Variants in SLC14A2 observed in about 807,000 individuals in gnomAD.
The protein encoded by SLC14A2 is solute carrier family 14 member 2, also known as urea transporter 2.
A neutral mutation model predicts 104.6 loss-of-function variants in SLC14A2; 91 were observed. The observed-to-expected ratio is 0.87, with a 90% CI of 0.73 to 1.04. The LOEUF is 1.04. Ranked by LOEUF, SLC14A2 falls within the 50% of genes least tolerant of loss-of-function variation. The pLI is 0.00. For synonymous variants in SLC14A2, 476 were observed against 466.4 expected, an observed-to-expected ratio of 1.02 and a Z score of -0.27; for missense variants, 1,189 against 1,156.0, an observed-to-expected ratio of 1.03 and a Z score of -0.41.
intron 1 of SLC14A2, among the ~76,000 whole-genome samples, chr18:45,469,863 C>T (rs1568223901): frequency 6.6e-6 from 1 of 152,200 alleles, no homozygotes; most frequent in East Asian, 1.9e-4. Context: ...GGCAGGGACA[C>T]ATTATAAAGG....
intron 2 of SLC14A2, among the ~76,000 whole-genome samples, chr18:45,496,777 C>G (rs1444337538): frequency 6.6e-6 from 1 of 150,816 alleles, no homozygotes; most frequent in Non-Finnish European, 1.5e-5. Flanking sequence ...GAGCAAGACT[C>G]CGTCTCAAAA....
intron 2 of SLC14A2, among the ~76,000 whole-genome samples, chr18:45,533,287 T>C (rs1276381189): frequency 6.6e-6 from 1 of 152,230 alleles, no homozygotes; most frequent in Non-Finnish European, 1.5e-5. Context: ...CAGCTCCTCC[T>C]TGTACCTCTG....
chr18:45,496,450 A>G (rs2043099345), intron 2 of SLC14A2, among the ~76,000 whole-genome samples: 2 of 152,272 alleles, frequency 1.3e-5, no homozygotes, highest in African/African-American at 4.8e-5. Context: ...CTGCCAGGGT[A>G]GCTAGAACAA....
At chr18:45,226,122 C>T (rs1315806427) in intron 1 of SLC14A2, among the ~76,000 whole-genome samples, 1 of 152,124 alleles carries the variant, frequency 6.6e-6, no homozygotes, top group Non-Finnish European at 1.5e-5. Flanking sequence ...CAATGAGATA[C>T]CATCTCACAC....
intron 2 of SLC14A2, among the ~76,000 whole-genome samples, chr18:45,601,313 T>C (rs564515049): frequency 6.6e-6 from 1 of 152,296 alleles, no homozygotes; most frequent in African/African-American, 2.4e-5. Context: ...AAAGGTACAA[T>C]TCTAACAAAG....
At chr18:45,435,246 A>T (rs1305416760) in intron 1 of SLC14A2, 1 of 152,214 alleles carries the variant, frequency 6.6e-6, no homozygotes, top group Non-Finnish European at 1.5e-5. Context: ...GATGAAGCTG[A>T]TTCTTCAAAA....
chr18:45,442,782 A>G lies in SLC14A2; in HGVS notation c.-124-40451A>G, dbSNP rs192554517. The stretch of plus-strand genomic sequence containing the variant: ...TAAGTGTTCCATAAAGGAAGCTACT[A>G]TCACTATTGTTATTGTTTGCTAAGC... On this transcript the variant is annotated intron_variant, in intron 1 of 20. Coordinates refer to the SLC14A2 transcript ENST00000586448. Among the ~76,000 whole-genome samples, 33 of 152,362 alleles carry G rather than the reference A, an allele frequency of 2.2e-4. No individual in the cohort carries two copies. The East Asian group carries it at 5.6e-3, about 26-fold the overall frequency.
At chr18:45,632,738 C>T (rs903608031) in intron 5 of SLC14A2, among the ~76,000 whole-genome samples, 15 of 152,140 alleles carry the variant, frequency 9.9e-5, no homozygotes, top group Admixed American at 9.2e-4. Context: ...AGTGCAGTGG[C>T]GCAATCTCGG....
intron 2 of SLC14A2, among the ~76,000 whole-genome samples, chr18:45,489,673 G>T (rs147841487): frequency 1.8e-3 from 276 of 152,238 alleles, no homozygotes; most frequent in African/African-American, 6.2e-3. Context: ...GCTGTCCCCA[G>T]CCCATCAACA....
intron 1 of SLC14A2, among the ~76,000 whole-genome samples, chr18:45,448,625 T>TC (rs2086809076): frequency 1.3e-5 from 2 of 152,164 alleles, no homozygotes; most frequent in African/African-American, 4.8e-5. Flanking sequence ...CGCAGACTCT[T>TC]CCCCAAAAAA....
intron 1 of SLC14A2, among the ~76,000 whole-genome samples, chr18:45,344,502 G>T (rs1209371525): frequency 6.6e-6 from 1 of 152,108 alleles, no homozygotes; most frequent in Non-Finnish European, 1.5e-5. Flanking sequence ...TTACTAGTTT[G>T]TTATAAATAA....
chr18:45,344,379 C>G (rs1300532328), intron 1 of SLC14A2, among the ~76,000 whole-genome samples: 1 of 152,148 alleles, frequency 6.6e-6, no homozygotes, highest in African/African-American at 2.4e-5. Context: ...AGGGTAACCC[C>G]AAGTTCCGCT....
chr18:45,436,234 T>C (rs942682466), intron 1 of SLC14A2, among the ~76,000 whole-genome samples: 3 of 152,212 alleles, frequency 2.0e-5, no homozygotes, highest in African/African-American at 7.2e-5. Flanking sequence ...TGTTTTCAAA[T>C]AGGTTAGAGG....
intron 2 of SLC14A2, among the ~76,000 whole-genome samples, chr18:45,587,256 T>C (rs1333839177): frequency 1.3e-5 from 2 of 152,212 alleles, no homozygotes; most frequent in Admixed American, 6.5e-5. Context: ...ATTACAGACA[T>C]GAGCCACATT....
At chr18:45,456,384 C>G (rs1326568545) in intron 1 of SLC14A2, among the ~76,000 whole-genome samples, 3 of 152,208 alleles carry the variant, frequency 2.0e-5, no homozygotes, top group African/African-American at 7.2e-5. Context: ...GTCCTCTTAT[C>G]CATTTTATGC....
At position 45,350,200 on chromosome 18, in the gene SLC14A2, G is replaced by A. The variant is rs940434931; in HGVS notation, c.-124-133033G>A. Reference sequence around the variant, plus strand: ...TAGCCAGAAAGCCAGAGAAACGTGCGAGAAACAGATTTAGAGTGTTTTCAC... The same window carrying A: ...TAGCCAGAAAGCCAGAGAAACGTGCAAGAAACAGATTTAGAGTGTTTTCAC... On this transcript the variant is annotated intron_variant, in intron 1 of 20. Transcript: ENST00000586448. Among the ~76,000 whole-genome samples the A allele has an allele frequency of 5.9e-5, 9 of 152,302 alleles. No individual in the cohort carries two copies. In the East Asian group the frequency reaches 1.7e-3, roughly 29 times the overall value.
chr18:45,188,091 C>A, the SLC14A2 span, among the ~76,000 whole-genome samples: 1 of 151,992 alleles, frequency 6.6e-6, no homozygotes, highest in Admixed American at 6.6e-5. Flanking sequence ...GTGTGAGAAA[C>A]TAAACAATTG....
At chr18:45,193,443 C>T in the SLC14A2 span, among the ~76,000 whole-genome samples, 6 of 152,236 alleles carry the variant, frequency 3.9e-5, no homozygotes, top group South Asian at 1.2e-3. Flanking sequence ...ATGTGTTTAT[C>T]TAATTATTCC....
chr18:45,391,555 G>A (rs571727870), intron 1 of SLC14A2, among the ~76,000 whole-genome samples: 190 of 152,280 alleles, frequency 1.2e-3, no homozygotes, highest in South Asian at 0.012. Context: ...GTGTAAAAGT[G>A]TTCCTATTTC....
Sources: gnomAD v4.1 joint callset for allele counts (sites outside exome capture counted in the v4.1 genomes callset) on GRCh38, gnomAD v4.1.1 for gene constraint, MANE v1.5 for transcripts, NCBI Gene and HGNC (gene_info 2026-07-23, HGNC 2026-07-21) for gene names.